Variants in SDK1 observed in about 807,000 individuals in gnomAD.
SDK1 encodes the protein protein sidekick-1.
Under a neutral mutation model 245.5 loss-of-function variants are expected in SDK1, and 157 were observed. The observed-to-expected ratio is 0.64, with a 90% CI of 0.56 to 0.73. The LOEUF (loss-of-function observed/expected upper bound fraction) is 0.73, where lower values mean the gene tolerates loss of function less well. Among genes scored for constraint, SDK1 ranks in the 30% least tolerant of loss-of-function variants. SDK1 has a pLI of 0.00. For missense variants in SDK1, 3,583 were observed against 3,002.3 expected (o/e 1.19, Z -4.52); for synonymous variants, 1,647 against 1,278.5 (o/e 1.29, Z -6.15).
rs938293808 is a variant in SDK1 at position 3,767,050 on chromosome 7, A to G, written c.714-54400A>G. Among the ~76,000 whole-genome samples, 7 of 152,226 alleles carry G rather than the reference A, an allele frequency of 4.6e-5. No individual in the cohort carries two copies. The South Asian group carries it at 1.4e-3, about 31-fold the overall frequency. Reference sequence around the variant, plus strand: ...AAGCCAGAGGAATGAAGAGCTAGGAAGGAAGTAGGGATTGTGTATCCAGCT... The same window carrying G: ...AAGCCAGAGGAATGAAGAGCTAGGAGGGAAGTAGGGATTGTGTATCCAGCT... On this transcript the variant is annotated intron_variant, in intron 4 of 44. Coordinates refer to ENST00000404826, the MANE Select transcript of SDK1 (RefSeq NM_152744.4).
At chr7:3,380,396 C>T (rs1403337926) in intron 1 of SDK1, among the ~76,000 whole-genome samples, 1 of 152,152 alleles carries the variant, frequency 6.6e-6, no homozygotes, top group Non-Finnish European at 1.5e-5. Flanking sequence ...ATCTTTGTCT[C>T]CTACACAGCG....
intron 1 of SDK1, among the ~76,000 whole-genome samples, chr7:3,474,172 G>A (rs925113756): frequency 7.4e-6 from 1 of 134,430 alleles, no homozygotes; most frequent in African/African-American, 2.9e-5. Flanking sequence ...GCTCAATCTC[G>A]GCTCACTGCA....
intron 1 of SDK1, among the ~76,000 whole-genome samples, chr7:3,540,087 T>G (rs979391862): frequency 6.6e-6 from 1 of 152,204 alleles, no homozygotes; most frequent in African/African-American, 2.4e-5. Flanking sequence ...TTGAAGGCCT[T>G]CTCATTGTCC....
rs567071307 is a variant in SDK1, at chr7:3,604,128, A to G, written c.299-14952A>G. Among the ~76,000 whole-genome samples, 23 of 152,266 alleles carry G rather than the reference A, an allele frequency of 1.5e-4. No individual in the cohort carries two copies. The East Asian group carries it at 3.7e-3, about 24-fold the overall frequency. ...TTTTGCATCGATGTTCATCAAGGCT[A>G]TTGGTCTAAAATTCTCTTTTTTGGT... On this transcript the variant is annotated intron_variant, in intron 1 of 44. Coordinates refer to ENST00000404826, the MANE Select transcript of SDK1 (RefSeq NM_152744.4).
At chr7:4,208,364 C>A in intron 37 of SDK1, 79 bp downstream of exon 37, 1 of 1,353,862 alleles carries the variant, frequency 7.4e-7, no homozygotes, top group Non-Finnish European at 1.0e-6. Flanking sequence ...TCCCCTCACA[C>A]AGTGGTTCCC....
At chr7:3,723,420 A>T (rs1778882931) in intron 4 of SDK1, among the ~76,000 whole-genome samples, 1 of 152,212 alleles carries the variant, frequency 6.6e-6, no homozygotes, top group African/African-American at 2.4e-5. Flanking sequence ...TATCTTGATG[A>T]CTTAATAAGG....
chr7:4,203,128 A>G (rs372080292), intron 35 of SDK1, among the ~76,000 whole-genome samples: 48 of 152,344 alleles, frequency 3.2e-4, no homozygotes, highest in African/African-American at 1.2e-3. Context: ...CCGCAGAGGC[A>G]GGAGGCCACG....
chr7:3,906,777 G>A (rs1253068889), intron 5 of SDK1, among the ~76,000 whole-genome samples: 2 of 151,918 alleles, frequency 1.3e-5, no homozygotes, highest in African/African-American at 2.4e-5. Flanking sequence ...ACAGGTGCAC[G>A]CCACCATGTC....
At chr7:3,319,867 C>G (rs180959861) in intron 1 of SDK1, among the ~76,000 whole-genome samples, 3 of 74,702 alleles carry the variant, frequency 4.0e-5, no homozygotes, top group Non-Finnish European at 8.5e-5. Flanking sequence ...TATATCTAAC[C>G]CATTCTTAGT....
In SDK1 at chr7:3,967,501, G is replaced by A. The variant is rs894074821; in HGVS notation, c.1546+67G>A. The A allele has an allele frequency of 5.3e-6, 5 of 938,484 alleles. No individual in the cohort carries two copies. In the African/African-American group the frequency reaches 6.5e-5, roughly 12 times the overall value. 58.1% of individuals were successfully genotyped at this position (938,484 alleles called of 1,614,324 possible). On this transcript the variant is annotated intron_variant, in intron 10 of 44. Coordinates refer to ENST00000404826, the MANE Select transcript of SDK1 (RefSeq NM_152744.4). ...AACATAACCTATCGGGCCAGTGCTTGCTTCTTATTCACTCTCTTGTTTATT... is the reference window on the plus strand; with the variant it reads ...AACATAACCTATCGGGCCAGTGCTTACTTCTTATTCACTCTCTTGTTTATT...
At chr7:4,230,928 T>G (rs1441218015) in intron 40 of SDK1, among the ~76,000 whole-genome samples, 1 of 152,080 alleles carries the variant, frequency 6.6e-6, no homozygotes, top group Non-Finnish European at 1.5e-5. Flanking sequence ...AACAGCAATC[T>G]CATCTGATTC....
At chr7:4,223,464 T>C (rs1249572360) in intron 40 of SDK1, among the ~76,000 whole-genome samples, 4 of 152,166 alleles carry the variant, frequency 2.6e-5, no homozygotes, top group Non-Finnish European at 4.4e-5. Context: ...TGAGGGAGGA[T>C]CTGTTTCCTG....
rs1779227352 is a variant in SDK1 at position 3,412,132 on chromosome 7, A to AACTCAGTTGCCTTTTGAAT, written c.298+110248_298+110249insACTCAGTTGCCTTTTGAAT. On this transcript the variant is annotated intron_variant, in intron 1 of 44. Coordinates refer to ENST00000404826, the MANE Select transcript of SDK1 (RefSeq NM_152744.4). The stretch of plus-strand genomic sequence containing the variant: ...AACATTTGAAAGTAAACAGAAGTAG[A>AACTCAGTTGCCTTTTGAAT]GCTAGATTTAGGGGTGTAAGATGTG... Among the ~76,000 whole-genome samples the AACTCAGTTGCCTTTTGAAT allele has an allele frequency of 2.0e-5, 3 of 152,184 alleles. No homozygotes were observed. In the South Asian group the frequency reaches 6.2e-4, roughly 32 times the overall value.
At chr7:3,817,200 A>G (rs923269032) in intron 4 of SDK1, among the ~76,000 whole-genome samples, 2 of 152,214 alleles carry the variant, frequency 1.3e-5, no homozygotes, top group African/African-American at 4.8e-5. Context: ...GGAGCTCATC[A>G]TGAAAATGTT....
At chr7:3,562,821 C>G (rs982450154) in intron 1 of SDK1, among the ~76,000 whole-genome samples, 5 of 151,400 alleles carry the variant, frequency 3.3e-5, no homozygotes, top group African/African-American at 1.2e-4. Flanking sequence ...CTATACAAGA[C>G]CTTATAAAAG....
intron 1 of SDK1, among the ~76,000 whole-genome samples, chr7:3,470,965 G>A (rs541434023): frequency 7.8e-4 from 119 of 152,068 alleles, no homozygotes; most frequent in Non-Finnish European, 1.5e-3. Context: ...TTGCTTATTT[G>A]ATAAACAAGT....
Position 4,114,160 on chromosome 7 carries a change from T to C in SDK1, c.3709T>C (p.Phe1237Leu). 6.2e-7 allele frequency: 1 copy of C among 1,614,188 alleles called. No homozygotes were observed. Among genetic ancestry groups the C allele is most frequent in the South Asian group, 1.1e-5 (1 of 91,090 alleles). The change falls in exon 25 of 45, where the codon TTC becomes CTC. Residue 1237 changes from phenylalanine to leucine, a missense_variant. Phe to Leu is a conservative substitution (Grantham distance 22). Coordinates refer to ENST00000404826, the MANE Select transcript of SDK1 (RefSeq NM_152744.4). ...CGTCAGTGACCGGCTGGAGAGAGAA[T>C]TCACCATCGAGGAGCTGGAGGAGTG... is the stretch of plus-strand genomic sequence containing the variant. ...QVVSDRLERE[F>L]TIEELEEWME... is the part of the protein sequence containing the mutation.
At chr7:3,507,304 T>C (rs997107770) in intron 1 of SDK1, among the ~76,000 whole-genome samples, 3 of 152,232 alleles carry the variant, frequency 2.0e-5, no homozygotes, top group African/African-American at 7.2e-5. Flanking sequence ...AGGGGACCTG[T>C]ATGCGGATTT....
At chr7:3,948,749 G>A (rs1001802333) in intron 5 of SDK1, among the ~76,000 whole-genome samples, 3 of 152,134 alleles carry the variant, frequency 2.0e-5, no homozygotes, top group Non-Finnish European at 4.4e-5. Context: ...CAGGAGCTGA[G>A]CCCCCACCAG....
Sources: gnomAD v4.1 joint callset for allele counts (sites outside exome capture counted in the v4.1 genomes callset) on GRCh38, gnomAD v4.1.1 for gene constraint, MANE v1.5 for transcripts, NCBI Gene and HGNC (gene_info 2026-07-23, HGNC 2026-07-21) for gene names.